SPTLC1: variants seen among roughly 807,000 people sequenced by gnomAD.
SPTLC1 encodes the protein serine palmitoyltransferase long chain base subunit 1, also known as serine palmitoyltransferase 1.
SPTLC1 carries 55 observed loss-of-function variants against 68.9 expected under a neutral mutation model. The ratio of observed to expected loss-of-function variants is 0.80; its 90% confidence interval spans 0.64 to 1.00. The LOEUF is 1.00. Among genes scored for constraint, SPTLC1 ranks in the 50% least tolerant of loss-of-function variants. The pLI is 0.00. For missense variants in SPTLC1, 449 were observed against 573.1 expected, an observed-to-expected ratio of 0.78 and a Z score of 2.21; for synonymous variants, 197 against 201.6, an observed-to-expected ratio of 0.98 and a Z score of 0.19.
intron 3 of SPTLC1, among the ~76,000 whole-genome samples, chr9:92,089,154 T>C (rs1835264890): frequency 1.3e-5 from 2 of 152,194 alleles, no homozygotes; most frequent in Admixed American, 1.3e-4. Context: ...CTCACACCTG[T>C]AATCCCAGCA....
intron 3 of SPTLC1, among the ~76,000 whole-genome samples, chr9:92,092,018 GAGAC>G (rs1401873159): frequency 6.6e-6 from 1 of 152,156 alleles, no homozygotes; most frequent in Non-Finnish European, 1.5e-5. Flanking sequence ...AAACGAAACA[GAGAC>G]AGAGAATGAA....
At position 92,079,655 on chromosome 9, in the gene SPTLC1, G is replaced by GC. The variant is rs1834807825; in HGVS notation, c.427+360dup. 15 of 1,223,114 alleles carry GC rather than the reference G, an allele frequency of 1.2e-5. No individual in the cohort carries two copies. The South Asian group carries it at 1.8e-4, about 15-fold the overall frequency. 75.8% of individuals were successfully genotyped at this position (1,223,114 alleles called of 1,614,324 possible). On this transcript the variant is annotated intron_variant, in intron 5 of 14. Coordinates refer to ENST00000262554, the MANE Select transcript of SPTLC1 (RefSeq NM_006415.4). Reference sequence around the variant, plus strand: ...ACTTTCTTCCTAGAGCTGTTTCTCAGCCCCCTGCGTGGCTAGTCATGGCAG... The same window carrying GC: ...ACTTTCTTCCTAGAGCTGTTTCTCAGCCCCCCTGCGTGGCTAGTCATGGCAG...
intron 14 of SPTLC1, among the ~76,000 whole-genome samples, chr9:92,032,949 A>G (rs940000375): frequency 2.6e-5 from 4 of 152,140 alleles, no homozygotes; most frequent in Admixed American, 6.5e-5. Context: ...CTGCACTCAC[A>G]GTCAACCATA....
chr9:92,084,822 G>C (rs11521648), intron 3 of SPTLC1, among the ~76,000 whole-genome samples: 24,496 of 151,980 alleles, frequency 0.16, 2,281 homozygotes, highest in Admixed American at 0.21. Flanking sequence ...AATGGTACCA[G>C]TTCTTCCTTG....
intron 8 of SPTLC1, chr9:92,051,316 A>G (rs1188815163): frequency 2.1e-6 from 2 of 961,448 alleles, no homozygotes; most frequent in Non-Finnish European, 2.5e-6. Context: ...GTGGTTCAAC[A>G]TGGAAAAATC....
At chr9:92,098,315 A>C (rs2118774060) in intron 3 of SPTLC1, among the ~76,000 whole-genome samples, 19 of 139,506 alleles carry the variant, frequency 1.4e-4, no homozygotes, top group Admixed American at 3.5e-4. Context: ...TACCCCGCCC[A>C]CTCCTCACCC....
intron 5 of SPTLC1, among the ~76,000 whole-genome samples, chr9:92,075,755 C>T (rs929330628): frequency 2.0e-5 from 3 of 152,166 alleles, no homozygotes; most frequent in African/African-American, 7.2e-5. Context: ...ACTCTCGGCT[C>T]CCCACCTCCT....
In SPTLC1 at chr9:92,085,064, ATT is replaced by A. The variant is rs1226405387; in HGVS notation, c.261-4103_261-4102del. On this transcript the variant is annotated intron_variant, in intron 3 of 14. Transcript: ENST00000262554. ...GTAGTATTCTCTGATGGTAGTTTGTATTTCTGTGGGATCAGTGGTGATATCCC... is the reference window on the plus strand; with the variant it reads ...GTAGTATTCTCTGATGGTAGTTTGTATCTGTGGGATCAGTGGTGATATCCC... 7.9e-5 allele frequency among the ~76,000 whole-genome samples: 12 copies of A among 151,088 alleles called. 1 individual carries two copies. The highest frequency in any genetic ancestry group is 2.9e-4 in the African/African-American group (12 of 41,166).
At chr9:92,062,850 C>T (rs927533607) in intron 6 of SPTLC1, among the ~76,000 whole-genome samples, 3 of 152,154 alleles carry the variant, frequency 2.0e-5, no homozygotes, top group Non-Finnish European at 4.4e-5. Context: ...AAACACAACA[C>T]ATCAAAATTT....
chr9:92,035,454 G>C (rs1269053860), intron 13 of SPTLC1, among the ~76,000 whole-genome samples: 1 of 152,152 alleles, frequency 6.6e-6, no homozygotes, highest in Non-Finnish European at 1.5e-5. Flanking sequence ...TTAACCATCT[G>C]TCAACATTAA....
rs1265439769 is a variant in SPTLC1 at position 92,047,271 on chromosome 9, G to A, written c.985-3C>T. The A allele has an allele frequency of 3.1e-6, 5 of 1,613,244 alleles. No homozygotes were observed. The highest frequency in any genetic ancestry group is 1.7e-4 in the Middle Eastern group (1 of 6,058). Reference sequence around the variant, plus strand: ...CAGTATCCCTGGCCGGAAAGTCGCTGAGAAGAAACAAATGAAGACATATAC... The same window carrying A: ...CAGTATCCCTGGCCGGAAAGTCGCTAAGAAGAAACAAATGAAGACATATAC... On this transcript the variant is annotated splice_region_variant and splice_polypyrimidine_tract_variant and intron_variant, in intron 10 of 14. Transcript: ENST00000262554.
At chr9:92,096,520 G>C (rs1835535296) in intron 3 of SPTLC1, among the ~76,000 whole-genome samples, 1 of 152,134 alleles carries the variant, frequency 6.6e-6, no homozygotes, top group African/African-American at 2.4e-5. Context: ...ATTTTCATGT[G>C]TCATTCTTGA....
intron 3 of SPTLC1, among the ~76,000 whole-genome samples, chr9:92,087,262 C>T (rs1281963683): frequency 1.3e-5 from 2 of 152,240 alleles, no homozygotes; most frequent in East Asian, 1.9e-4. Flanking sequence ...CATTCTCCAT[C>T]CAGCTTTGTT....
intron 1 of SPTLC1, among the ~76,000 whole-genome samples, chr9:92,113,227 G>A (rs904095808): frequency 6.6e-5 from 10 of 152,208 alleles, no homozygotes; most frequent in Admixed American, 2.0e-4. Flanking sequence ...CATTCAACAC[G>A]CATAGGATTT....
At chr9:92,072,387 G>A (rs1440176521) in intron 5 of SPTLC1, among the ~76,000 whole-genome samples, 2 of 152,094 alleles carry the variant, frequency 1.3e-5, no homozygotes, top group African/African-American at 4.8e-5. Flanking sequence ...GTTGGTCACG[G>A]ACTCTTCTTG....
intron 3 of SPTLC1, chr9:92,104,786 A>G (rs1835895761): frequency 1.3e-6 from 2 of 1,533,564 alleles, no homozygotes; most frequent in East Asian, 2.4e-5. Context: ...GACTCAGGGA[A>G]ACCTCACTTC....
intron 6 of SPTLC1, among the ~76,000 whole-genome samples, chr9:92,062,588 G>A (rs530219111): frequency 6.6e-5 from 10 of 152,164 alleles, no homozygotes; most frequent in East Asian, 1.9e-4. Flanking sequence ...ATAGACTACC[G>A]TATTAGCCAT....
intron 1 of SPTLC1, chr9:92,115,103 G>A (rs951613544): frequency 8.8e-5 from 53 of 602,844 alleles, no homozygotes; most frequent in Non-Finnish European, 1.5e-4. Context: ...TTCAAACCGA[G>A]ACCCTCAGTC....
intron 14 of SPTLC1, among the ~76,000 whole-genome samples, chr9:92,033,968 G>A (rs555442061): frequency 6.6e-6 from 1 of 152,324 alleles, no homozygotes; most frequent in East Asian, 1.9e-4. Context: ...CAGCCTCCCT[G>A]ACTTGGCACC....
Sources: gnomAD v4.1 joint callset for allele counts (sites outside exome capture counted in the v4.1 genomes callset) on GRCh38, gnomAD v4.1.1 for gene constraint, MANE v1.5 for transcripts, NCBI Gene and HGNC (gene_info 2026-07-23, HGNC 2026-07-21) for gene names.